The following PKNOX1 variants were observed in gnomAD, a reference collection of about 807,000 sequenced individuals.
The protein encoded by PKNOX1 is homeobox protein PKNOX1.
PKNOX1 carries 15 observed loss-of-function variants against 51.9 expected under a neutral mutation model. That is an observed-to-expected ratio of 0.29 (90% CI 0.19 to 0.45). PKNOX1 has a LOEUF of 0.45. PKNOX1 is among the 20% of genes least tolerant of loss of function. The pLI is 1.00. For synonymous variants in PKNOX1, 219 were observed against 211.1 expected (o/e 1.04, Z -0.32); for missense variants, 462 against 547.5 (o/e 0.84, Z 1.56).
At chr21:42,980,718 C>T (rs552543479) in intron 1 of PKNOX1, among the ~76,000 whole-genome samples, 5 of 152,118 alleles carry the variant, frequency 3.3e-5, no homozygotes, top group South Asian at 2.1e-4. Flanking sequence ...GCTTAGTAAC[C>T]GGATTGAGCT....
At position 43,023,499 on chromosome 21, in the gene PKNOX1, A is replaced by C. The variant is rs529857399; in HGVS notation, c.850-1372A>C. Among the ~76,000 whole-genome samples the C allele has an allele frequency of 3.9e-5, 6 of 152,250 alleles. 1 individual carries two copies. Among genetic ancestry groups the C allele is most frequent in the African/African-American group, 1.4e-4 (6 of 41,552 alleles). The stretch of plus-strand genomic sequence containing the variant: ...CCAAATCAAGGGCTTTAGTGCATTC[A>C]GGTTTTAGAGTAAATGTCGTGTTGG... On this transcript the variant is annotated intron_variant, in intron 8 of 10. Transcript: ENST00000291547.
At chr21:43,002,228 C>T (rs372681949) in intron 1 of PKNOX1, among the ~76,000 whole-genome samples, 19 of 152,206 alleles carry the variant, frequency 1.2e-4, no homozygotes, top group South Asian at 6.2e-4. Context: ...GCCAAATCTG[C>T]GTTTCTAGGC....
chr21:43,013,328 T>A, intron 5 of PKNOX1, 90 bp downstream of exon 5: 1 of 1,002,748 alleles, frequency 1.0e-6, no homozygotes. Context: ...CAGAATTCAC[T>A]GGGTCATCTT....
In PKNOX1 at chr21:43,032,841, A is replaced by G. The variant is rs546614366; in HGVS notation, c.*2740A>G. ...CTGAGTTTCCTTTAACCTCTCTGCAATGGGTGCTTTTAACTAGCTTCTACA... is the reference window on the plus strand; with the variant it reads ...CTGAGTTTCCTTTAACCTCTCTGCAGTGGGTGCTTTTAACTAGCTTCTACA... On this transcript the variant is annotated 3_prime_UTR_variant, in exon 11 of 11. Transcript: ENST00000291547. The G allele has an allele frequency of 6.6e-6, 1 of 152,302 alleles. No homozygotes were observed. 9.4% of individuals were successfully genotyped at this position (152,302 alleles called of 1,614,324 possible).
intron 1 of PKNOX1, among the ~76,000 whole-genome samples, chr21:42,975,292 G>T (rs2146211305): frequency 6.6e-6 from 1 of 151,388 alleles, no homozygotes. Context: ...CGGGGTCCTG[G>T]GGGCGGTGGG....
chr21:42,981,955 T>C (rs1027156840), intron 1 of PKNOX1, among the ~76,000 whole-genome samples: 6 of 152,178 alleles, frequency 3.9e-5, no homozygotes, highest in Non-Finnish European at 8.8e-5. Flanking sequence ...CAGGATCCAG[T>C]TCTGCACCAG....
intron 10 of PKNOX1, among the ~76,000 whole-genome samples, chr21:43,029,666 C>T (rs1310916338): frequency 1.3e-5 from 2 of 152,044 alleles, no homozygotes; most frequent in South Asian, 2.1e-4. Flanking sequence ...CTCCTGACCT[C>T]GTTATCCGCC....
chr21:42,977,270 A>G (rs1471149748), intron 1 of PKNOX1, among the ~76,000 whole-genome samples: 2 of 152,190 alleles, frequency 1.3e-5, no homozygotes, highest in Non-Finnish European at 2.9e-5. Flanking sequence ...GCCCCTAACA[A>G]GAGAGCCAGC....
chr21:42,998,277 T>C (rs899781970), intron 1 of PKNOX1, among the ~76,000 whole-genome samples: 1 of 152,130 alleles, frequency 6.6e-6, no homozygotes, highest in African/African-American at 2.4e-5. Context: ...TTCGCTATCA[T>C]GAGAACAGCA....
intron 8 of PKNOX1, among the ~76,000 whole-genome samples, chr21:43,023,960 C>A (rs994416441): frequency 1.3e-5 from 2 of 151,730 alleles, no homozygotes; most frequent in East Asian, 3.9e-4. Context: ...TCTCGAACTC[C>A]TGACCTCAAG....
chr21:42,988,897 C>T (rs1050176205), intron 1 of PKNOX1, among the ~76,000 whole-genome samples: 2 of 143,210 alleles, frequency 1.4e-5, no homozygotes, highest in African/African-American at 2.6e-5. Flanking sequence ...GGGGACCCTG[C>T]GGGCTGGATG....
chr21:43,007,178 G>A (rs1179942056), intron 2 of PKNOX1, among the ~76,000 whole-genome samples: 2 of 152,214 alleles, frequency 1.3e-5, no homozygotes, highest in Non-Finnish European at 2.9e-5. Context: ...CTACACGTGA[G>A]GAGATATAGC....
intron 1 of PKNOX1, among the ~76,000 whole-genome samples, chr21:43,001,872 A>G (rs1435178956): frequency 6.6e-6 from 1 of 152,070 alleles, no homozygotes; most frequent in Non-Finnish European, 1.5e-5. Context: ...AGGCAGGAGA[A>G]TGGTGTGAAC....
intron 5 of PKNOX1, among the ~76,000 whole-genome samples, chr21:43,016,012 T>C (rs1010079383): frequency 2.0e-5 from 3 of 152,244 alleles, no homozygotes; most frequent in African/African-American, 7.2e-5. Flanking sequence ...CTGGGATGAT[T>C]GATTTGACTA....
chr21:42,999,480 TTTTC>T (rs1046551744), intron 1 of PKNOX1, among the ~76,000 whole-genome samples: 18 of 111,280 alleles, frequency 1.6e-4, no homozygotes, highest in African/African-American at 6.7e-4. Context: ...TGGGATTTTC[TTTTC>T]TTTTTTTTTC....
At chr21:42,990,056 C>T (rs2059077997) in intron 1 of PKNOX1, among the ~76,000 whole-genome samples, 1 of 151,406 alleles carries the variant, frequency 6.6e-6, no homozygotes, top group Non-Finnish European at 1.5e-5. Flanking sequence ...CAGATGGTGC[C>T]ATTGCACTCC....
At chr21:42,990,254 G>A (rs537046433) in intron 1 of PKNOX1, among the ~76,000 whole-genome samples, 20 of 152,140 alleles carry the variant, frequency 1.3e-4, no homozygotes, top group African/African-American at 4.3e-4. Context: ...GCAAGACTCC[G>A]TCATAAATGA....
chr21:43,032,477 G>A lies in PKNOX1; in HGVS notation c.*2376G>A. On this transcript the variant is annotated 3_prime_UTR_variant, in exon 11 of 11. Transcript: ENST00000291547. ...AATTTAAGAGTGCTGCCCCTGCCCGGCGCAGTAGGGCGTGCCTCTAGTTCC... is the reference window on the plus strand; with the variant it reads ...AATTTAAGAGTGCTGCCCCTGCCCGACGCAGTAGGGCGTGCCTCTAGTTCC... 7.6e-6 allele frequency: 2 copies of A among 262,742 alleles called. No homozygotes were observed. The highest frequency in any genetic ancestry group is 7.9e-5 in the South Asian group (2 of 25,424). The allele number at this position is 262,742 out of a possible 1,614,324, so 16.3% of individuals were successfully genotyped here.
chr21:43,028,858 G>T lies in PKNOX1; in HGVS notation c.1083G>T (p.Glu361Asp), dbSNP rs749318888. 184 of 1,614,056 alleles carry T rather than the reference G, an allele frequency of 1.1e-4. No homozygotes were observed. The highest frequency in any genetic ancestry group is 1.5e-4 in the Non-Finnish European group (181 of 1,180,032). ...ASGVAQPPPSELTMSEGAVVT... is the reference protein window; with the variant it reads ...ASGVAQPPPSDLTMSEGAVVT... ...GAGTCGCACAGCCACCGCCGAGCGA[G>T]CTCACCATGTCGGAAGGTACAGGTG... The change falls in exon 10 of 11, where the codon GAG becomes GAT. Residue 361 changes from glutamate (E) to aspartate (D), a missense_variant. Around this residue, in one of 5 missense-constraint regions of PKNOX1, gnomAD observed 118 missense variants for 116.8 expected, o/e 1.01. Coordinates refer to ENST00000291547, the MANE Select transcript of PKNOX1 (RefSeq NM_004571.5).
Sources: allele counts gnomAD v4.1 joint callset (sites outside exome capture counted in the v4.1 genomes callset), GRCh38; gene constraint gnomAD v4.1.1; regional missense constraint gnomAD v4.1.1; transcripts MANE v1.5; gene names NCBI Gene and HGNC (gene_info 2026-07-23, HGNC 2026-07-21).